Variants in ODR4 observed in about 807,000 individuals in gnomAD.
ODR4 encodes the protein protein odr-4 homolog.
A neutral mutation model predicts 60.2 loss-of-function variants in ODR4; 47 were observed. The observed-to-expected ratio is 0.78, with a 90% CI of 0.62 to 1.00. ODR4 has a LOEUF of 1.00. Ranked by LOEUF, ODR4 falls within the 50% of genes least tolerant of loss-of-function variation. ODR4 has a pLI of 0.00. For synonymous variants in ODR4, 178 were observed against 175.5 expected (o/e 1.01, Z -0.11); for missense variants, 488 against 530.8 (o/e 0.92, Z 0.79).
At chr1:186,406,440 A>G (rs551995307) in intron 12 of ODR4, among the ~76,000 whole-genome samples, 172 bp downstream of exon 12, 45 of 152,318 alleles carry the variant, frequency 3.0e-4, no homozygotes, top group African/African-American at 1.1e-3. Context: ...CTACATGTCT[A>G]GACATACAGT....
downstream of ODR4, among the ~76,000 whole-genome samples, chr1:186,421,693 G>A (rs117206244): frequency 2.0e-5 from 3 of 151,926 alleles, no homozygotes; most frequent in East Asian, 1.9e-4. Context: ...GTGAAATCCC[G>A]TTCTACCAAA....
chr1:186,425,017 C>T (rs1402814350), downstream of ODR4, among the ~76,000 whole-genome samples: 1 of 150,366 alleles, frequency 6.7e-6, no homozygotes, highest in Non-Finnish European at 1.5e-5. Context: ...GTCATGCATA[C>T]ACGAGCAAGA....
At position 186,419,687 on chromosome 1, in the gene ODR4, G is replaced by A. The variant is rs1236091452; in HGVS notation, c.*611G>A. 1 of 152,040 alleles carries A rather than the reference G, an allele frequency of 6.6e-6. No homozygotes were observed. The highest frequency in any genetic ancestry group is 1.5e-5 in the Non-Finnish European group (1 of 68,016). The allele number at this position is 152,040 out of a possible 1,614,324, so 9.4% of individuals were successfully genotyped here. On this transcript the variant is annotated 3_prime_UTR_variant, in exon 14 of 14. Coordinates refer to ENST00000287859, the MANE Select transcript of ODR4 (RefSeq NM_017847.6). Reference sequence around the variant, plus strand: ...TGATCACATCACTGTACTCCAGCCTGGGTGACAAAATGAGACATTGTCTCT... The same window carrying A: ...TGATCACATCACTGTACTCCAGCCTAGGTGACAAAATGAGACATTGTCTCT...
At chr1:186,384,666 T>C in intron 3 of ODR4, among the ~76,000 whole-genome samples, 1 of 152,066 alleles carries the variant, frequency 6.6e-6, no homozygotes, top group East Asian at 1.9e-4. Context: ...AAGAAAAGGT[T>C]AATTTTACTT....
intron 9 of ODR4, among the ~76,000 whole-genome samples, chr1:186,395,301 G>A (rs1047871605): frequency 6.6e-6 from 1 of 152,136 alleles, no homozygotes; most frequent in African/African-American, 2.4e-5. Flanking sequence ...CACTGTGTTA[G>A]CCAGGGTGGT....
In ODR4 at chr1:186,419,247, G is replaced by T. The variant is rs1489401593; in HGVS notation, c.*171G>T. On this transcript the variant is annotated 3_prime_UTR_variant, in exon 14 of 14. Transcript: ENST00000287859. The stretch of plus-strand genomic sequence containing the variant: ...ATGAAATCACAAGCTGCCTTGTTTA[G>T]CCTGCTTTACATTGTAGGTGGCCCG... 17 of 634,932 alleles carry T rather than the reference G, an allele frequency of 2.7e-5. No individual in the cohort carries two copies. The highest frequency in any genetic ancestry group is 4.4e-5 in the Non-Finnish European group (16 of 364,052). The allele number at this position is 634,932 out of a possible 1,614,324, so 39.3% of individuals were successfully genotyped here.
At chr1:186,376,102 T>TA (rs1052064956) in intron 1 of ODR4, 128 bp downstream of exon 1, 1 of 151,894 alleles carries the variant, frequency 6.6e-6, no homozygotes, top group Non-Finnish European at 1.5e-5. Flanking sequence ...CTGACGAACT[T>TA]ACCTTGTGTG....
At chr1:186,388,635 C>T in intron 5 of ODR4, 87 bp downstream of exon 5, 2 of 742,160 alleles carry the variant, frequency 2.7e-6, no homozygotes, top group Non-Finnish European at 4.1e-6. Flanking sequence ...TTTAAATCAT[C>T]ATTTAAAAAA....
chr1:186,391,623 C>A, intron 7 of ODR4, 73 bp from the exon 8 acceptor site: 2 of 913,028 alleles, frequency 2.2e-6, no homozygotes, highest in Non-Finnish European at 3.5e-6. Flanking sequence ...TTAGGTGGAA[C>A]AAAGTAGATT....
At position 186,411,894 on chromosome 1, in the gene ODR4, G is replaced by A. The variant is rs993842272; in HGVS notation, c.1186+5626G>A. On this transcript the variant is annotated intron_variant, in intron 12 of 13. Transcript: ENST00000287859. ...CAAAACAGCAATTTGGAAAGTTTAG[G>A]TGTGTATACTTACATGTATGCCATA... The A allele has an allele frequency of 3.7e-5, 34 of 909,764 alleles. No individual in the cohort carries two copies. In the East Asian group the frequency reaches 2.6e-3, roughly 69 times the overall value. The allele number at this position is 909,764 out of a possible 1,614,324, so 56.4% of individuals were successfully genotyped here. A position where few individuals can be genotyped will look rare whatever the true frequency, so the allele number is the denominator to read the frequency against.
chr1:186,383,675 G>GTATATA (rs1435664889), intron 3 of ODR4, among the ~76,000 whole-genome samples: 14 of 114,806 alleles, frequency 1.2e-4, no homozygotes, highest in African/African-American at 4.7e-4. Flanking sequence ...TTCTGTGTAT[G>GTATATA]TAGATATATA....
intron 6 of ODR4, among the ~76,000 whole-genome samples, chr1:186,390,412 G>T (rs772309271): frequency 7.9e-5 from 12 of 152,196 alleles, no homozygotes; most frequent in East Asian, 3.9e-4. Flanking sequence ...TATTGATACT[G>T]TTGAAGCTAG....
the ODR4 span, among the ~76,000 whole-genome samples, chr1:186,434,745 T>A: frequency 8.3e-4 from 126 of 152,308 alleles, no homozygotes; most frequent in East Asian, 0.018. Context: ...CTTACACAGT[T>A]TATTATGTAA....
downstream of ODR4, among the ~76,000 whole-genome samples, chr1:186,422,394 C>G (rs2102108031): frequency 6.6e-6 from 1 of 152,150 alleles, no homozygotes; most frequent in South Asian, 2.1e-4. Flanking sequence ...ATTTCAACAA[C>G]TAATTAATGA....
chr1:186,390,260 C>G (rs16825282), intron 6 of ODR4, among the ~76,000 whole-genome samples: 6,513 of 152,218 alleles, frequency 0.043, 463 homozygotes, highest in African/African-American at 0.15. Flanking sequence ...CAGCAAAACC[C>G]AGATTAGCAC....
In ODR4 at chr1:186,399,009, A is replaced by G. The variant is rs756291225; in HGVS notation, c.965A>G (p.Glu322Gly). 7 of 1,612,798 alleles carry G rather than the reference A, an allele frequency of 4.3e-6. No individual in the cohort carries two copies. The East Asian group carries it at 1.6e-4, about 36-fold the overall frequency. Residue 322 changes from glutamate (E) to glycine (G), a missense_variant, in exon 11 of 14, where the codon GAG (glutamate) becomes GGG (glycine). Physicochemically the swap from Glu to Gly is moderately conservative, Grantham distance 98. Transcript: ENST00000287859. ...TVADRCEMLFEDLLLNEIPEK... is the reference protein window; with the variant it reads ...TVADRCEMLFGDLLLNEIPEK... Reference sequence around the variant, plus strand: ...GCTGATCGTTGTGAAATGCTATTTGAGGATCTGCTTTTGAATGAAATTCCA... The same window carrying G: ...GCTGATCGTTGTGAAATGCTATTTGGGGATCTGCTTTTGAATGAAATTCCA...
chr1:186,425,013 C>G (rs781639058), downstream of ODR4, among the ~76,000 whole-genome samples: 2 of 150,818 alleles, frequency 1.3e-5, no homozygotes, highest in African/African-American at 2.4e-5. Flanking sequence ...AGGGGTCATG[C>G]ATACACGAGC....
chr1:186,411,206 AGCTGGTG>A (rs1002888809), intron 12 of ODR4, among the ~76,000 whole-genome samples: 5 of 152,160 alleles, frequency 3.3e-5, no homozygotes, highest in Non-Finnish European at 4.4e-5. Context: ...AGGAATGCTA[AGCTGGTG>A]TACTGCAAGT....
chr1:186,417,286 C>T, intron 12 of ODR4: 2 of 319,818 alleles, frequency 6.3e-6, no homozygotes, highest in Non-Finnish European at 1.2e-5. Flanking sequence ...TTTTGAAAGT[C>T]ATTCAGAACT....
Sources: allele counts gnomAD v4.1 joint callset (sites outside exome capture counted in the v4.1 genomes callset), GRCh38; gene constraint gnomAD v4.1.1; transcripts MANE v1.5; gene names NCBI Gene and HGNC (gene_info 2026-07-23, HGNC 2026-07-21).